Variants in SLC44A5 observed in about 807,000 individuals in gnomAD.
The protein encoded by SLC44A5 is solute carrier family 44 member 5.
In SLC44A5, 57 loss-of-function variants were observed where a neutral mutation model predicts 101.8. The observed-to-expected ratio is 0.56, with a 90% CI of 0.45 to 0.70. The LOEUF (loss-of-function observed/expected upper bound fraction) is 0.70. Ranked by LOEUF, SLC44A5 falls within the 30% of genes least tolerant of loss-of-function variation. SLC44A5 has a pLI of 0.00. For missense variants in SLC44A5, 737 were observed against 853.1 expected (o/e 0.86, Z 1.70); for synonymous variants, 281 against 290.9 (o/e 0.97, Z 0.35).
rs532833120 is a variant in SLC44A5 at position 75,223,792 on chromosome 1, T to C, written c.986-1332A>G. 3.3e-5 allele frequency among the ~76,000 whole-genome samples: 5 copies of C among 152,340 alleles called. No homozygotes were observed. The South Asian group carries it at 1.0e-3, about 32-fold the overall frequency. ...TCTTAGTAATGTATCATCTCACTTCTACATCTTCCTTTAGTTATACTATGT... is the reference window on the plus strand; with the variant it reads ...TCTTAGTAATGTATCATCTCACTTCCACATCTTCCTTTAGTTATACTATGT... On this transcript the variant is annotated intron_variant, in intron 13 of 23. Coordinates refer to ENST00000370859, the MANE Select transcript of SLC44A5 (RefSeq NM_001130058.2).
At chr1:75,593,211 A>T (rs1257454793) in intron 1 of SLC44A5, among the ~76,000 whole-genome samples, 4 of 152,070 alleles carry the variant, frequency 2.6e-5, no homozygotes, top group Non-Finnish European at 1.5e-5. Context: ...AGACACAAAA[A>T]TGGCAAACAG....
Position 75,218,827 on chromosome 1 carries a change from C to T in SLC44A5, c.1267-75G>A, listed in dbSNP as rs639331. On this transcript the variant is annotated intron_variant, in intron 16 of 23. Coordinates refer to ENST00000370859, the MANE Select transcript of SLC44A5 (RefSeq NM_001130058.2). The stretch of plus-strand genomic sequence containing the variant: ...AGATAACAACTCCCTGTGTTTTCCT[C>T]TTCCCCTTAATTGCATATCCTGTTG... 0.01 allele frequency: 14,552 copies of T among 1,412,952 alleles called. 1,242 individuals are homozygous for T. In the African/African-American group the frequency reaches 0.18, roughly 18 times the overall value. The allele number at this position is 1,412,952 out of a possible 1,614,324, so 87.5% of individuals were successfully genotyped here.
intron 1 of SLC44A5, among the ~76,000 whole-genome samples, chr1:75,555,646 GTC>G (rs10579694): frequency 0.95 from 144,312 of 151,784 alleles, 68,645 homozygotes; most frequent in East Asian, 0.98. Context: ...TCCAATTTGT[GTC>G]TCTTATTTAT....
intron 10 of SLC44A5, among the ~76,000 whole-genome samples, chr1:75,237,597 C>T (rs138007309): frequency 1.1e-4 from 16 of 152,180 alleles, no homozygotes; most frequent in African/African-American, 3.8e-4. Context: ...CTCCCTTCCT[C>T]AAAGTAACCA....
chr1:75,514,719 TAAA>T (rs1214398813), intron 2 of SLC44A5, among the ~76,000 whole-genome samples: 4 of 152,178 alleles, frequency 2.6e-5, no homozygotes, highest in Admixed American at 6.5e-5. Context: ...AAATTATGAA[TAAA>T]AGTGAATTGT....
chr1:75,249,143 C>A (rs1405589347), intron 7 of SLC44A5, among the ~76,000 whole-genome samples: 1 of 151,976 alleles, frequency 6.6e-6, no homozygotes, highest in Non-Finnish European at 1.5e-5. Context: ...AACTAAGATA[C>A]CAACATCCCA....
chr1:75,449,559 T>C (rs1017219297), intron 2 of SLC44A5, among the ~76,000 whole-genome samples: 1 of 152,182 alleles, frequency 6.6e-6, no homozygotes, highest in Non-Finnish European at 1.5e-5. Flanking sequence ...AGCTCTCCCA[T>C]GCCCCTATAA....
intron 10 of SLC44A5, among the ~76,000 whole-genome samples, chr1:75,237,619 T>C (rs1227355050): frequency 6.6e-6 from 1 of 152,080 alleles, no homozygotes; most frequent in Non-Finnish European, 1.5e-5. Context: ...TATTCTGACT[T>C]TTGTGATAAT....
chr1:75,238,723 T>A, intron 9 of SLC44A5, 87 bp from the exon 10 acceptor site: 1 of 887,404 alleles, frequency 1.1e-6, no homozygotes, highest in Admixed American at 3.6e-5. Flanking sequence ...CTGTTATATA[T>A]AATCAAATTC....
chr1:75,214,796 A>C, intron 19 of SLC44A5, 118 bp from the exon 20 acceptor site: 5 of 739,148 alleles, frequency 6.8e-6, no homozygotes, highest in Non-Finnish European at 1.1e-5. Flanking sequence ...AGCTATCTCC[A>C]CTCTTTTTTC....
chr1:75,708,030 T>C, the SLC44A5 span, among the ~76,000 whole-genome samples: 2 of 152,264 alleles, frequency 1.3e-5, no homozygotes, highest in African/African-American at 4.8e-5. Flanking sequence ...AATGTATTAT[T>C]GCTCTTAATA....
At chr1:75,588,520 C>T (rs910624827) in intron 1 of SLC44A5, among the ~76,000 whole-genome samples, 7 of 151,412 alleles carry the variant, frequency 4.6e-5, no homozygotes, top group Admixed American at 2.0e-4. Flanking sequence ...CTGCCCGATC[C>T]GAAAGTTCGG....
Position 75,447,585 on chromosome 1 carries a change from T to C in SLC44A5, c.14-50964A>G, listed in dbSNP as rs184512855. Among the ~76,000 whole-genome samples the C allele has an allele frequency of 4.4e-3, 663 of 152,296 alleles. 7 individuals are homozygous for C. Among genetic ancestry groups the C allele is most frequent in the African/African-American group, 0.015 (616 of 41,574 alleles). ...TATTCTGAATACTGAGTCTGGATTC[T>C]ATTTCAAATAAAATCAACTGTATTA... On this transcript the variant is annotated intron_variant, in intron 2 of 23. Transcript: ENST00000370859.
chr1:75,710,929 G>A, the SLC44A5 span, among the ~76,000 whole-genome samples: 1 of 152,106 alleles, frequency 6.6e-6, no homozygotes, highest in East Asian at 1.9e-4. Context: ...TGTCTCTCCT[G>A]GTAATTTTAT....
chr1:75,610,315 T>C (rs1352758468), intron 1 of SLC44A5, among the ~76,000 whole-genome samples: 3 of 152,088 alleles, frequency 2.0e-5, no homozygotes, highest in Non-Finnish European at 2.9e-5. Flanking sequence ...ATCAGCTCCC[T>C]AGGCCAAGTA....
At chr1:75,525,755 T>C (rs1378960864) in intron 2 of SLC44A5, among the ~76,000 whole-genome samples, 1 of 152,166 alleles carries the variant, frequency 6.6e-6, no homozygotes, top group Non-Finnish European at 1.5e-5. Flanking sequence ...GATATGATGA[T>C]GGCATTGCAG....
At chr1:75,348,341 A>T (rs1029569372) in intron 3 of SLC44A5, among the ~76,000 whole-genome samples, 4 of 152,208 alleles carry the variant, frequency 2.6e-5, no homozygotes, top group Non-Finnish European at 4.4e-5. Context: ...AAAGATATTT[A>T]TCAACTTAGC....
At chr1:75,422,400 G>T (rs74089237) in intron 2 of SLC44A5, among the ~76,000 whole-genome samples, 14,968 of 152,222 alleles carry the variant, frequency 0.098, 906 homozygotes, top group Admixed American at 0.19. Context: ...TTACAAGTCC[G>T]CAGTGAATAA....
At chr1:75,289,083 G>T (rs1465378854) in intron 5 of SLC44A5, among the ~76,000 whole-genome samples, 1 of 152,144 alleles carries the variant, frequency 6.6e-6, no homozygotes, top group African/African-American at 2.4e-5. Flanking sequence ...AGTTCCTGAG[G>T]GGTCCAGTAG....
Sources: gnomAD v4.1 joint callset for allele counts (sites outside exome capture counted in the v4.1 genomes callset) on GRCh38, gnomAD v4.1.1 for gene constraint, MANE v1.5 for transcripts, NCBI Gene and HGNC (gene_info 2026-07-23, HGNC 2026-07-21) for gene names.